Variants in ERBB4 observed in about 807,000 individuals in gnomAD.
The protein encoded by ERBB4 is erb-b2 receptor tyrosine kinase 4.
In ERBB4, 42 loss-of-function variants were observed where a neutral mutation model predicts 158.0. That is an observed-to-expected ratio of 0.27 (90% CI 0.21 to 0.34). The LOEUF (loss-of-function observed/expected upper bound fraction) is 0.34, where lower values mean the gene tolerates loss of function less well. ERBB4 is among the 10% of genes least tolerant of loss of function. ERBB4 has a pLI of 1.00. For missense variants in ERBB4, 1,333 were observed against 1,624.1 expected (o/e 0.82, Z 3.08); for synonymous variants, 583 against 558.7 (o/e 1.04, Z -0.61).
intron 5 of ERBB4, among the ~76,000 whole-genome samples, chr2:211,741,942 T>C (rs1280631376): frequency 6.6e-6 from 1 of 152,222 alleles, no homozygotes. Flanking sequence ...CTTTTTGAAA[T>C]GGTCAGTGTA....
chr2:212,307,992 T>C (rs2086876431), intron 1 of ERBB4, among the ~76,000 whole-genome samples: 1 of 150,976 alleles, frequency 6.6e-6, no homozygotes. Context: ...GACAACGTTA[T>C]CTGAATTTTT....
intron 1 of ERBB4, among the ~76,000 whole-genome samples, chr2:212,332,080 A>T (rs1307914822): frequency 6.6e-6 from 1 of 151,980 alleles, no homozygotes; most frequent in East Asian, 1.9e-4. Flanking sequence ...CTGTGTCCCT[A>T]CCCAAATCTC....
chr2:211,841,814 T>C (rs969395953), intron 3 of ERBB4, among the ~76,000 whole-genome samples: 17 of 152,092 alleles, frequency 1.1e-4, no homozygotes, highest in African/African-American at 3.6e-4. Context: ...TGATTGGAAT[T>C]AAAATTTGTT....
chr2:212,301,712 T>TTTTTTTTTGAGACGG (rs1417874568), intron 1 of ERBB4, among the ~76,000 whole-genome samples: 1 of 150,908 alleles, frequency 6.6e-6, no homozygotes, highest in African/African-American at 2.4e-5. Context: ...CATACAATAT[T>TTTTTTTTTGAGACGG]AATGGTCCCC....
chr2:212,462,470 T>C (rs1353884500), intron 1 of ERBB4, among the ~76,000 whole-genome samples: 1 of 152,110 alleles, frequency 6.6e-6, no homozygotes, highest in African/African-American at 2.4e-5. Context: ...TCTCAAGAGA[T>C]GACATACAAA....
intron 3 of ERBB4, among the ~76,000 whole-genome samples, chr2:211,905,701 T>C (rs2079368351): frequency 7.6e-6 from 1 of 131,986 alleles, no homozygotes; most frequent in Non-Finnish European, 1.6e-5. Context: ...TATGTGTGTG[T>C]ATGTGTGTGT....
At chr2:212,172,859 T>C (rs1343032333) in intron 1 of ERBB4, among the ~76,000 whole-genome samples, 1 of 152,098 alleles carries the variant, frequency 6.6e-6, no homozygotes, top group African/African-American at 2.4e-5. Context: ...GGTGATGCGA[T>C]GATTTGTGCA....
At chr2:211,431,627 A>C (rs2063750401) in intron 20 of ERBB4, among the ~76,000 whole-genome samples, 1 of 151,098 alleles carries the variant, frequency 6.6e-6, no homozygotes, top group Non-Finnish European at 1.5e-5. Context: ...TTATTATACT[A>C]TTCTTATTAA....
chr2:212,495,354 G>A (rs567110323), intron 1 of ERBB4, among the ~76,000 whole-genome samples: 1 of 152,140 alleles, frequency 6.6e-6, no homozygotes, highest in African/African-American at 2.4e-5. Context: ...ACTTAGTTGT[G>A]TCAGAGTAGT....
intron 12 of ERBB4, among the ~76,000 whole-genome samples, chr2:211,694,264 A>G (rs2106006419): frequency 6.6e-6 from 1 of 152,292 alleles, no homozygotes; most frequent in African/African-American, 2.4e-5. Context: ...ATTTTTAATA[A>G]TTATAAGTTT....
At chr2:212,120,137 A>C (rs975970508) in intron 2 of ERBB4, among the ~76,000 whole-genome samples, 1 of 152,074 alleles carries the variant, frequency 6.6e-6, no homozygotes, top group East Asian at 1.9e-4. Flanking sequence ...ATTTGGGGTA[A>C]ATATTGCTTT....
At chr2:211,885,651 G>C (rs1312214046) in intron 3 of ERBB4, among the ~76,000 whole-genome samples, 4 of 151,940 alleles carry the variant, frequency 2.6e-5, no homozygotes, top group Non-Finnish European at 1.5e-5. Context: ...GTAGAGACGC[G>C]GTTTCACCAG....
intron 20 of ERBB4, chr2:211,561,647 C>G (rs752825867): frequency 6.2e-6 from 3 of 482,356 alleles, no homozygotes; most frequent in East Asian, 4.0e-5. Context: ...ATTCCTCCCC[C>G]TGACTACCAA....
At chr2:212,361,113 C>T (rs1433441687) in intron 1 of ERBB4, among the ~76,000 whole-genome samples, 1 of 150,834 alleles carries the variant, frequency 6.6e-6, no homozygotes, top group African/African-American at 2.4e-5. Flanking sequence ...AAGTCTATCC[C>T]CAAGGTCCAT....
chr2:212,516,006 T>C (rs1691819038), intron 1 of ERBB4, among the ~76,000 whole-genome samples: 2 of 152,012 alleles, frequency 1.3e-5, no homozygotes, highest in Non-Finnish European at 1.5e-5. Context: ...CTAAAAATTG[T>C]ATCACTAAAT....
intron 2 of ERBB4, among the ~76,000 whole-genome samples, chr2:212,064,730 A>G (rs987107876): frequency 6.6e-6 from 1 of 152,104 alleles, no homozygotes; most frequent in Non-Finnish European, 1.5e-5. Context: ...TGAAATAGGC[A>G]TTGACACATA....
chr2:211,461,804 A>C (rs2064538597), intron 20 of ERBB4, among the ~76,000 whole-genome samples: 1 of 152,080 alleles, frequency 6.6e-6, no homozygotes, highest in African/African-American at 2.4e-5. Flanking sequence ...TCTTGAAGAT[A>C]AGGAAAAGCA....
chr2:211,443,553 T>C (rs996387984), intron 20 of ERBB4, among the ~76,000 whole-genome samples: 10 of 152,174 alleles, frequency 6.6e-5, no homozygotes, highest in Middle Eastern at 3.4e-3. Context: ...TAATATCTCA[T>C]ATGAAAGAAG....
intron 3 of ERBB4, among the ~76,000 whole-genome samples, chr2:211,808,081 G>A (rs907856912): frequency 1.6e-4 from 25 of 152,148 alleles, no homozygotes; most frequent in Admixed American, 2.0e-4. Context: ...TAGGTTGCCT[G>A]TTCACTCTGA....
Sources: gnomAD v4.1 joint callset for allele counts (sites outside exome capture counted in the v4.1 genomes callset) on GRCh38, gnomAD v4.1.1 for gene constraint, MANE v1.5 for transcripts, NCBI Gene and HGNC (gene_info 2026-07-23, HGNC 2026-07-21) for gene names.